The following DLG2 variants were observed in gnomAD, a reference collection of about 807,000 sequenced individuals.
The protein encoded by DLG2 is discs large MAGUK scaffold protein 2.
Under a neutral mutation model 132.5 loss-of-function variants are expected in DLG2, and 45 were observed. The observed-to-expected ratio is 0.34, with a 90% CI of 0.27 to 0.44. The LOEUF is 0.44. Among genes scored for constraint, DLG2 ranks in the 20% least tolerant of loss-of-function variants. DLG2 has a pLI of 1.00. For missense variants in DLG2, 1,045 were observed against 1,196.9 expected, an observed-to-expected ratio of 0.87 and a Z score of 1.87; for synonymous variants, 424 against 419.6, an observed-to-expected ratio of 1.01 and a Z score of -0.13.
intron 6 of DLG2, among the ~76,000 whole-genome samples, chr11:84,851,256 G>A (rs777432392): frequency 1.2e-4 from 19 of 152,014 alleles, no homozygotes; most frequent in Non-Finnish European, 2.5e-4. Context: ...ACTCTTTAAT[G>A]TCTGTCTTCC....
At chr11:85,606,090 A>C (rs1367788617) in intron 2 of DLG2, among the ~76,000 whole-genome samples, 1 of 152,232 alleles carries the variant, frequency 6.6e-6, no homozygotes, top group African/African-American at 2.4e-5. Context: ...CAAGGGTAGA[A>C]TGTCAAGTCA....
intron 4 of DLG2, among the ~76,000 whole-genome samples, chr11:85,231,983 A>G (rs1023085362): frequency 1.3e-5 from 2 of 151,870 alleles, no homozygotes; most frequent in African/African-American, 2.4e-5. Flanking sequence ...AGTATTTCCT[A>G]TGCAGATTAT....
chr11:85,443,262 C>A (rs1256963001), intron 3 of DLG2, among the ~76,000 whole-genome samples: 1 of 152,144 alleles, frequency 6.6e-6, no homozygotes, highest in Admixed American at 6.6e-5. Context: ...GTGAAGAATT[C>A]ATTGTTGTTC....
At position 85,500,306 on chromosome 11, in the gene DLG2, C is replaced by A. The variant is rs1000006833; in HGVS notation, c.40+98351G>T. Among the ~76,000 whole-genome samples, 2 of 147,574 alleles carry A rather than the reference C, an allele frequency of 1.4e-5. 1 individual carries two copies. Among genetic ancestry groups the A allele is most frequent in the African/African-American group, 5.2e-5 (2 of 38,520 alleles). On this transcript the variant is annotated intron_variant, in intron 3 of 27. Transcript: ENST00000376104. Reference sequence around the variant, plus strand: ...TATCGCAAGAACAAAAAACCAAACACCGCATATTCTCACTCATAGGTGGGA... The same window carrying A: ...TATCGCAAGAACAAAAAACCAAACAACGCATATTCTCACTCATAGGTGGGA...
Position 83,763,809 on chromosome 11 carries a change from C to T in DLG2, c.1825+22881G>A, listed in dbSNP as rs189722548. The stretch of plus-strand genomic sequence containing the variant: ...TATCCCACTCTTTATTTTGAAATTT[C>T]TCTCTAGTCAGGCACAATGGTTCCT... On this transcript the variant is annotated intron_variant, in intron 18 of 27. Coordinates refer to ENST00000376104, the MANE Select transcript of DLG2 (RefSeq NM_001142699.3). Among the ~76,000 whole-genome samples the T allele has an allele frequency of 2.0e-5, 3 of 152,328 alleles. No homozygotes were observed. The East Asian group carries it at 5.8e-4, about 29-fold the overall frequency.
At chr11:84,783,467 T>C (rs2072202658) in intron 6 of DLG2, among the ~76,000 whole-genome samples, 1 of 152,202 alleles carries the variant, frequency 6.6e-6, no homozygotes, top group Admixed American at 6.5e-5. Flanking sequence ...GCATTTTCTG[T>C]TCTCCAAGGT....
intron 10 of DLG2, among the ~76,000 whole-genome samples, chr11:84,061,975 A>G (rs952923409): frequency 2.0e-5 from 3 of 152,148 alleles, no homozygotes; most frequent in African/African-American, 4.8e-5. Context: ...ATCTCATGAT[A>G]ATACAAAACA....
At chr11:85,053,632 C>CAAAAAAAAAA (rs574119257) in intron 6 of DLG2, among the ~76,000 whole-genome samples, 3 of 91,172 alleles carry the variant, frequency 3.3e-5, no homozygotes, top group African/African-American at 4.7e-5. Flanking sequence ...ACTAAAAATA[C>CAAAAAAAAAA]AAAAAAAAAA....
chr11:85,031,115 T>C (rs2060967366), intron 6 of DLG2, among the ~76,000 whole-genome samples: 1 of 152,022 alleles, frequency 6.6e-6, no homozygotes, highest in South Asian at 2.1e-4. Flanking sequence ...AAAAGAAGTG[T>C]CATTTCATTT....
chr11:84,936,982 G>A (rs1026570779), intron 6 of DLG2, among the ~76,000 whole-genome samples: 14 of 151,970 alleles, frequency 9.2e-5, no homozygotes, highest in South Asian at 2.1e-4. Flanking sequence ...GTAAAACCAC[G>A]TCTGTACTAA....
chr11:84,961,070 T>C (rs923818702), intron 6 of DLG2, among the ~76,000 whole-genome samples: 1 of 151,864 alleles, frequency 6.6e-6, no homozygotes, highest in African/African-American at 2.4e-5. Flanking sequence ...AAATGGAACT[T>C]TGCACAACAG....
chr11:85,212,434 G>A (rs142778864), intron 4 of DLG2, among the ~76,000 whole-genome samples: 68 of 152,238 alleles, frequency 4.5e-4, no homozygotes, highest in African/African-American at 1.6e-3. Flanking sequence ...TACTTGGTCT[G>A]AGTTCCATTT....
rs116245249 is a variant in DLG2, at chr11:83,673,477, G to C, written c.1826-40152C>G. ...TCACATTTTACTCTTTATGTTGCTA[G>C]TGGGGCAACTGAAGCAAGCAAGACA... is the stretch of plus-strand genomic sequence containing the variant. On this transcript the variant is annotated intron_variant, in intron 18 of 27. Coordinates refer to ENST00000376104, the MANE Select transcript of DLG2 (RefSeq NM_001142699.3). 7.3e-3 allele frequency among the ~76,000 whole-genome samples: 1,112 copies of C among 152,286 alleles called. 10 individuals are homozygous for C. Among genetic ancestry groups the C allele is most frequent in the African/African-American group, 0.025 (1,041 of 41,560 alleles).
At chr11:84,023,975 T>C (rs2095471963) in intron 11 of DLG2, among the ~76,000 whole-genome samples, 1 of 152,156 alleles carries the variant, frequency 6.6e-6, no homozygotes, top group Admixed American at 6.6e-5. Context: ...ATATAATACA[T>C]ATAACATACA....
At chr11:83,549,720 A>T (rs558305906) in intron 19 of DLG2, among the ~76,000 whole-genome samples, 2 of 152,192 alleles carry the variant, frequency 1.3e-5, no homozygotes, top group African/African-American at 4.8e-5. Context: ...TATTTGTATT[A>T]TCTTCTTAAA....
At chr11:84,610,042 C>T (rs2041366191) in intron 6 of DLG2, among the ~76,000 whole-genome samples, 2 of 151,942 alleles carry the variant, frequency 1.3e-5, no homozygotes, top group Non-Finnish European at 2.9e-5. Context: ...TGCTAAGATA[C>T]ATATGTAGGG....
intron 6 of DLG2, among the ~76,000 whole-genome samples, chr11:84,793,914 A>C (rs547246694): frequency 2.0e-4 from 31 of 152,268 alleles, no homozygotes; most frequent in South Asian, 1.9e-3. Flanking sequence ...ACTGATGAGC[A>C]AGATCTTACT....
intron 18 of DLG2, among the ~76,000 whole-genome samples, chr11:83,707,436 G>A (rs375775892): frequency 6.6e-6 from 1 of 152,214 alleles, no homozygotes; most frequent in African/African-American, 2.4e-5. Context: ...TTGGGAGGCC[G>A]AGGGGGGCAG....
chr11:85,457,655 T>A (rs1314558497), intron 3 of DLG2, among the ~76,000 whole-genome samples: 1 of 152,196 alleles, frequency 6.6e-6, no homozygotes, highest in Non-Finnish European at 1.5e-5. Flanking sequence ...AATTCCCTCA[T>A]TTGCTTGTCT....
Sources: gnomAD v4.1 joint callset for allele counts (sites outside exome capture counted in the v4.1 genomes callset) on GRCh38, gnomAD v4.1.1 for gene constraint, MANE v1.5 for transcripts, NCBI Gene and HGNC (gene_info 2026-07-23, HGNC 2026-07-21) for gene names.